The following ANP32A variants were observed in gnomAD, a reference collection of about 807,000 sequenced individuals.
ANP32A encodes acidic leucine-rich nuclear phosphoprotein 32 family member A.
ANP32A carries 1 observed loss-of-function variant against 33.9 expected under a neutral mutation model. That is an observed-to-expected ratio of 0.03 (90% CI 0.01 to 0.14). The LOEUF (loss-of-function observed/expected upper bound fraction) is 0.14. ANP32A is among the 10% of genes least tolerant of loss of function. The pLI is 1.00. For synonymous variants in ANP32A, 115 were observed against 120.5 expected (o/e 0.95, Z 0.30); for missense variants, 155 against 306.0 (o/e 0.51, Z 3.68).
At chr15:68,791,176 T>A (rs1474102439) in intron 1 of ANP32A, 1 of 152,184 alleles carries the variant, frequency 6.6e-6, no homozygotes, top group Non-Finnish European at 1.5e-5. Context: ...CCTTGCTGGG[T>A]TCCCTCTCAG....
Position 68,786,252 on chromosome 15 carries a change from CTTTTTTTTTTTT to C in ANP32A, c.327+1149_327+1160del, listed in dbSNP as rs558065991. Among the ~76,000 whole-genome samples, 8 of 90,098 alleles carry C rather than the reference CTTTTTTTTTTTT, an allele frequency of 8.9e-5. No individual in the cohort carries two copies. The South Asian group carries it at 1.6e-3, about 18-fold the overall frequency. The allele number at this position is 90,098 out of a possible 152,430, so 59.1% of individuals were successfully genotyped here. On this transcript the variant is annotated intron_variant, in intron 3 of 6. Coordinates refer to ENST00000465139, the MANE Select transcript of ANP32A (RefSeq NM_006305.4). ...GATGCCTGAGGTGCTGCTGCTGCTG[CTTTTTTTTTTTT>C]TTTTTTTTTTTTGGAGACAGAGTCT...
chr15:68,797,592 T>C (rs948886166), intron 1 of ANP32A, among the ~76,000 whole-genome samples: 1 of 152,184 alleles, frequency 6.6e-6, no homozygotes, highest in Non-Finnish European at 1.5e-5. Flanking sequence ...CACCCATCAG[T>C]GCTCCCTGGC....
chr15:68,817,114 C>G (rs1257599281), intron 1 of ANP32A, among the ~76,000 whole-genome samples: 1 of 152,228 alleles, frequency 6.6e-6, no homozygotes, highest in Non-Finnish European at 1.5e-5. Flanking sequence ...GCACCTATAT[C>G]GGCTTTTTAA....
intron 1 of ANP32A, among the ~76,000 whole-genome samples, chr15:68,807,825 TG>T (rs1894256810): frequency 1.3e-5 from 2 of 152,112 alleles, no homozygotes; most frequent in African/African-American, 4.8e-5. Context: ...CCTGACTGCC[TG>T]GGTCTGCGCC....
chr15:68,797,103 A>G (rs922082420), intron 1 of ANP32A, among the ~76,000 whole-genome samples: 1 of 152,210 alleles, frequency 6.6e-6, no homozygotes, highest in Non-Finnish European at 1.5e-5. Context: ...AAGTACAACT[A>G]TATCAATTTG....
intron 1 of ANP32A, among the ~76,000 whole-genome samples, chr15:68,800,037 A>T (rs1371227497): frequency 6.7e-6 from 1 of 148,554 alleles, no homozygotes; most frequent in Non-Finnish European, 1.5e-5. Context: ...TGCTCTGAAA[A>T]CTTGGGAGCT....
chr15:68,812,618 C>T (rs570415490), intron 1 of ANP32A, among the ~76,000 whole-genome samples: 1 of 152,300 alleles, frequency 6.6e-6, no homozygotes, highest in Middle Eastern at 3.4e-3. Context: ...AACAAAACTA[C>T]AAGTATTGAG....
At chr15:68,818,057 T>A (rs1454525616) in intron 1 of ANP32A, among the ~76,000 whole-genome samples, 3 of 151,682 alleles carry the variant, frequency 2.0e-5, no homozygotes, top group Non-Finnish European at 4.4e-5. Flanking sequence ...TAAATAAAAA[T>A]AAATAAATAA....
intron 5 of ANP32A, chr15:68,781,299 T>C (rs1893863832): frequency 6.6e-6 from 1 of 152,040 alleles, no homozygotes; most frequent in Non-Finnish European, 1.5e-5. Flanking sequence ...AGCTCTCCTT[T>C]ACTGAAAGCT....
intron 1 of ANP32A, among the ~76,000 whole-genome samples, chr15:68,788,761 C>T (rs1413186455): frequency 6.6e-6 from 1 of 152,116 alleles, no homozygotes; most frequent in African/African-American, 2.4e-5. Context: ...TAGGATGGGC[C>T]CATAATGAAA....
Position 68,793,549 on chromosome 15 carries a change from C to T in ANP32A, c.55-5630G>A, listed in dbSNP as rs553946326. Among the ~76,000 whole-genome samples the T allele has an allele frequency of 1.8e-3, 274 of 152,174 alleles. 3 individuals carry two copies. Among genetic ancestry groups the T allele is most frequent in the African/African-American group, 6.5e-3 (268 of 41,506 alleles). Reference sequence around the variant, plus strand: ...CCTTGCCAGCAAGAGGTGTGGTGGCCGGCTGGGAGGAGACAGCCACCAGTA... The same window carrying T: ...CCTTGCCAGCAAGAGGTGTGGTGGCTGGCTGGGAGGAGACAGCCACCAGTA... On this transcript the variant is annotated intron_variant, in intron 1 of 6. Coordinates refer to ENST00000465139, the MANE Select transcript of ANP32A (RefSeq NM_006305.4).
intron 1 of ANP32A, among the ~76,000 whole-genome samples, chr15:68,805,867 A>G (rs2140370015): frequency 6.6e-6 from 1 of 152,236 alleles, no homozygotes; most frequent in Admixed American, 6.5e-5. Context: ...CTTACTACTG[A>G]CTGTCTCCCC....
intron 1 of ANP32A, among the ~76,000 whole-genome samples, chr15:68,800,271 C>T (rs532629265): frequency 6.6e-5 from 10 of 152,090 alleles, no homozygotes; most frequent in East Asian, 3.9e-4. Flanking sequence ...TTCAACAGTC[C>T]GTACAGAGTA....
At chr15:68,801,329 A>G (rs533984103) in intron 1 of ANP32A, among the ~76,000 whole-genome samples, 1 of 151,838 alleles carries the variant, frequency 6.6e-6, no homozygotes, top group East Asian at 1.9e-4. Context: ...CACCCCGGAC[A>G]TCTCCTATGG....
chr15:68,788,304 T>C (rs12443415), intron 1 of ANP32A, among the ~76,000 whole-genome samples: 22,343 of 151,956 alleles, frequency 0.15, 2,559 homozygotes, highest in East Asian at 0.3. Context: ...AGCCACAGCA[T>C]TGTTAGGGAC....
At chr15:68,781,868 T>G (rs1248522935) in intron 5 of ANP32A, among the ~76,000 whole-genome samples, 2 of 152,158 alleles carry the variant, frequency 1.3e-5, no homozygotes, top group Non-Finnish European at 2.9e-5. Context: ...CCTCCCAAAG[T>G]GCTAGGATTA....
Position 68,784,404 on chromosome 15 carries a change from ATCC to A in ANP32A, c.516_518del (p.Glu172del), listed in dbSNP as rs768882705. 5.0e-5 allele frequency: 80 copies of A among 1,612,726 alleles called. No homozygotes were observed. Among genetic ancestry groups the A allele is most frequent in the Non-Finnish European group, 5.9e-5 (70 of 1,179,486 alleles). On this transcript the variant is annotated inframe_deletion, in exon 4 of 7. Coordinates refer to ENST00000465139, the MANE Select transcript of ANP32A (RefSeq NM_006305.4). ...CCGCACCCTGTCACCCACCATCCTC[ATCC>A]TCCTCCTCATCATCCAGGCCCTCCA... is the stretch of plus-strand genomic sequence containing the variant.
At chr15:68,799,196 G>A (rs1894099277) in intron 1 of ANP32A, among the ~76,000 whole-genome samples, 1 of 152,218 alleles carries the variant, frequency 6.6e-6, no homozygotes, top group Non-Finnish European at 1.5e-5. Context: ...CTAATTGGAA[G>A]GAGGATTAAT....
At chr15:68,807,052 G>T (rs1894239955) in intron 1 of ANP32A, among the ~76,000 whole-genome samples, 1 of 152,256 alleles carries the variant, frequency 6.6e-6, no homozygotes, top group African/African-American at 2.4e-5. Flanking sequence ...GAAAGCCACA[G>T]ATGCACACCT....
Sources: allele counts gnomAD v4.1 joint callset (sites outside exome capture counted in the v4.1 genomes callset), GRCh38; gene constraint gnomAD v4.1.1; transcripts MANE v1.5; gene names NCBI Gene and HGNC (gene_info 2026-07-23, HGNC 2026-07-21).